PCDHGA3: variants seen among roughly 807,000 people sequenced by gnomAD.
PCDHGA3 encodes protocadherin gamma subfamily A, 3, also known as protocadherin gamma-A3.
PCDHGA3 carries 40 observed loss-of-function variants against 58.5 expected under a neutral mutation model. That is an observed-to-expected ratio of 0.68 (90% CI 0.53 to 0.89). PCDHGA3 has a LOEUF of 0.89. PCDHGA3 is among the 40% of genes least tolerant of loss of function. PCDHGA3 has a pLI of 0.00. For synonymous variants in PCDHGA3, 530 were observed against 525.7 expected (o/e 1.01, Z -0.11); for missense variants, 1,223 against 1,195.9 (o/e 1.02, Z -0.33).
chr5:141,388,395 C>G (rs1445370262), intron 1 of PCDHGA3: 2 of 1,613,810 alleles, frequency 1.2e-6, no homozygotes, highest in Non-Finnish European at 8.5e-7. Flanking sequence ...GCAGAATTAC[C>G]AACTCAGTCC....
At position 141,344,502 on chromosome 5, in the gene PCDHGA3, G is replaced by T. The variant is rs372567476; in HGVS notation, c.469G>T (p.Ala157Ser). 3.7e-6 allele frequency: 6 copies of T among 1,613,838 alleles called. No individual in the cohort carries two copies. Among genetic ancestry groups the T allele is most frequent in the Non-Finnish European group, 5.1e-6 (6 of 1,179,898 alleles). The change falls in exon 1 of 4, where the codon GCT becomes TCT. Residue 157 changes from alanine to serine, a missense_variant. Ala to Ser is a moderately conservative substitution (Grantham distance 99). Around this residue, in one of 3 missense-constraint regions of PCDHGA3, gnomAD observed 791 missense variants for 708.5 expected, o/e 1.12. Transcript: ENST00000253812. ...TGGAACCCGATTTCCAATTAAAACTGCTTTTGACCCAGATGTAGGCATTAA... is the reference window on the plus strand; with the variant it reads ...TGGAACCCGATTTCCAATTAAAACTTCTTTTGACCCAGATGTAGGCATTAA... ...VPGTRFPIKT[A>S]FDPDVGINSL...
intron 1 of PCDHGA3, among the ~76,000 whole-genome samples, chr5:141,483,361 A>C (rs752805137): frequency 4.6e-5 from 7 of 152,102 alleles, no homozygotes; most frequent in Non-Finnish European, 7.4e-5. Flanking sequence ...TTTGAAAGCT[A>C]TTGCAATATT....
intron 3 of PCDHGA3, among the ~76,000 whole-genome samples, chr5:141,510,691 T>C (rs1013489554): frequency 4.6e-5 from 7 of 152,138 alleles, no homozygotes; most frequent in African/African-American, 1.7e-4. Flanking sequence ...GGAGGTTAGG[T>C]AGACTTGCCC....
chr5:141,487,001 C>T lies in PCDHGA3; in HGVS notation c.2425-7806C>T. ...TTACAATGCTTGGGTTTCCTATCAG[C>T]TCCTGGAGGCCCCAGATCCCAGCCT... On this transcript the variant is annotated intron_variant, in intron 1 of 3. Transcript: ENST00000253812. This position sits in a 1 kb window ranked among gnomAD's most constrained non-coding sequence, Gnocchi z 5.0. 6.2e-7 allele frequency: 1 copy of T among 1,614,218 alleles called. No individual in the cohort carries two copies. The highest frequency in any genetic ancestry group is 8.5e-7 in the Non-Finnish European group (1 of 1,180,038).
intron 1 of PCDHGA3, among the ~76,000 whole-genome samples, chr5:141,465,119 A>T (rs2099097382): frequency 6.6e-6 from 1 of 151,780 alleles, no homozygotes; most frequent in Non-Finnish European, 1.5e-5. Flanking sequence ...GTTTTAGCCT[A>T]AATTTGTAAA....
intron 1 of PCDHGA3, chr5:141,400,589 A>G (rs771561940): frequency 4.4e-6 from 7 of 1,605,662 alleles, no homozygotes; most frequent in South Asian, 2.2e-5. Flanking sequence ...ACATGAAACT[A>G]TCGTACATTT....
At chr5:141,354,547 A>G (rs977190350) in intron 1 of PCDHGA3, among the ~76,000 whole-genome samples, 3 of 152,032 alleles carry the variant, frequency 2.0e-5, no homozygotes, top group African/African-American at 7.3e-5. Context: ...TAGAGGGTCA[A>G]CTCCTGTGAG....
chr5:141,476,336 C>G lies in PCDHGA3; in HGVS notation c.2425-18471C>G, dbSNP rs1228900349. The G allele has an allele frequency of 2.5e-6, 4 of 1,614,008 alleles. No individual in the cohort carries two copies. The highest frequency in any genetic ancestry group is 2.2e-5 in the East Asian group (1 of 44,854). ...GTTCCGGGTGGTGTCTGGAGCTAGC[C>G]GAAGATTCTTTGAGGTGAACCGGGA... On this transcript the variant is annotated intron_variant, in intron 1 of 3. Coordinates refer to ENST00000253812, the MANE Select transcript of PCDHGA3 (RefSeq NM_018916.4). The surrounding 1 kb of genome is among the most constrained non-coding windows in gnomAD (Gnocchi z 7.6).
chr5:141,394,263 A>C lies in PCDHGA3; in HGVS notation c.2424+47806A>C, dbSNP rs745926581. The C allele has an allele frequency of 2.5e-6, 4 of 1,613,766 alleles. No homozygotes were observed. In the African/African-American group the frequency reaches 5.3e-5, roughly 22 times the overall value. On this transcript the variant is annotated intron_variant, in intron 1 of 3. Coordinates refer to ENST00000253812, the MANE Select transcript of PCDHGA3 (RefSeq NM_018916.4). ...TGCACACGACCCCGACAGCCAGGAG[A>C]ATGCCCAGGTCACTTACTCTGTGAC...
intron 1 of PCDHGA3, among the ~76,000 whole-genome samples, chr5:141,433,399 CTA>C (rs1491097109): frequency 1.1e-4 from 17 of 150,894 alleles, no homozygotes; most frequent in African/African-American, 4.1e-4. Context: ...ATCTATCTAT[CTA>C]TCTATTACTT....
In PCDHGA3 at chr5:141,417,886, C is replaced by G. The variant is rs1330007520; in HGVS notation, c.2424+71429C>G. Reference sequence around the variant, plus strand: ...TGGGAGGGAGCTGCGCGCAGAGGCGCCGGGCCGGCCCGCGGCAGGTACTAT... The same window carrying G: ...TGGGAGGGAGCTGCGCGCAGAGGCGGCGGGCCGGCCCGCGGCAGGTACTAT... On this transcript the variant is annotated intron_variant, in intron 1 of 3. Transcript: ENST00000253812. The G allele has an allele frequency of 9.0e-6, 14 of 1,563,624 alleles. No individual in the cohort carries two copies. The African/African-American group carries it at 1.9e-4, about 21-fold the overall frequency.
chr5:141,454,908 C>T (rs1370482009), intron 1 of PCDHGA3, among the ~76,000 whole-genome samples: 3 of 145,392 alleles, frequency 2.1e-5, no homozygotes, highest in Non-Finnish European at 4.5e-5. Context: ...CCCGGGTTCA[C>T]GCCATTCTCC....
chr5:141,345,501 G>A lies in PCDHGA3; in HGVS notation c.1468G>A (p.Ala490Thr). Reference sequence around the variant, plus strand: ...CAACAACAACGCCCGCATCACTTATGCATTGACCGAGGACACTCTCCAGGG... The same window carrying A: ...CAACAACAACGCCCGCATCACTTATACATTGACCGAGGACACTCTCCAGGG... ...DSNNNARITY[A>T]LTEDTLQGAP... The change falls in exon 1 of 4, where the codon GCA becomes ACA. Residue 490 changes from alanine (A) to threonine (T), a missense_variant. Ala to Thr is a moderately conservative substitution (Grantham distance 58). Coordinates refer to ENST00000253812, the MANE Select transcript of PCDHGA3 (RefSeq NM_018916.4). 1 of 1,614,128 alleles carries A rather than the reference G, an allele frequency of 6.2e-7. No individual in the cohort carries two copies. The highest frequency in any genetic ancestry group is 8.5e-7 in the Non-Finnish European group (1 of 1,180,006).
chr5:141,384,206 C>T (rs887307433), intron 1 of PCDHGA3: 1 of 1,613,928 alleles, frequency 6.2e-7, no homozygotes. Context: ...TCCAGGGAAA[C>T]TCACATATTC....
intron 1 of PCDHGA3, chr5:141,423,848 G>A: frequency 1.6e-6 from 2 of 1,277,462 alleles, no homozygotes; most frequent in Non-Finnish European, 2.0e-6. Flanking sequence ...TAATCTTTCA[G>A]AACGTTTTTG....
chr5:141,434,566 G>A (rs1280487112), intron 1 of PCDHGA3, among the ~76,000 whole-genome samples: 1 of 152,196 alleles, frequency 6.6e-6, no homozygotes, highest in African/African-American at 2.4e-5. Flanking sequence ...TTAAGGACAT[G>A]CCCCTGCTGC....
At chr5:141,416,998 CAAAT>C (rs2096073182) in intron 1 of PCDHGA3, 1 of 150,816 alleles carries the variant, frequency 6.6e-6, no homozygotes, top group South Asian at 2.1e-4. Flanking sequence ...GCATTCATCT[CAAAT>C]AATTCTATTA....
At chr5:141,505,554 C>T in intron 3 of PCDHGA3, 73 bp downstream of exon 3, 1 of 1,606,130 alleles carries the variant, frequency 6.2e-7, no homozygotes, top group Non-Finnish European at 8.5e-7. Context: ...AGCCACCATG[C>T]CCACGGACTG....
At chr5:141,356,760 C>T in intron 1 of PCDHGA3, 3 of 1,613,850 alleles carry the variant, frequency 1.9e-6, no homozygotes, top group Non-Finnish European at 2.5e-6. Flanking sequence ...TTTGCTCCTT[C>T]GACTATGAGC....
Sources: allele counts gnomAD v4.1 joint callset (sites outside exome capture counted in the v4.1 genomes callset), GRCh38; gene constraint gnomAD v4.1.1; regional missense constraint gnomAD v4.1.1; non-coding constraint Gnocchi (gnomAD v3.1); transcripts MANE v1.5; gene names NCBI Gene and HGNC (gene_info 2026-07-23, HGNC 2026-07-21).